Variants in RBFOX3 observed in about 807,000 individuals in gnomAD.
RBFOX3 encodes RNA binding fox-1 homolog 3, also known as RNA binding protein fox-1 homolog 3.
RBFOX3 carries 17 observed loss-of-function variants against 48.7 expected under a neutral mutation model. That is an observed-to-expected ratio of 0.35 (90% CI 0.24 to 0.52). RBFOX3 has a LOEUF of 0.52. Ranked by LOEUF, RBFOX3 falls within the 20% of genes least tolerant of loss-of-function variation. RBFOX3 has a pLI of 0.94. For synonymous variants in RBFOX3, 212 were observed against 209.5 expected, an observed-to-expected ratio of 1.01 and a Z score of -0.10; for missense variants, 382 against 497.5, an observed-to-expected ratio of 0.77 and a Z score of 2.21.
chr17:79,143,819 C>T (rs1014126986), intron 4 of RBFOX3, among the ~76,000 whole-genome samples: 2 of 152,192 alleles, frequency 1.3e-5, no homozygotes, highest in African/African-American at 4.8e-5. Flanking sequence ...ATGAAGACCC[C>T]CTCCATTTTC....
At chr17:79,558,765 G>A (rs1236339298) in intron 1 of RBFOX3, among the ~76,000 whole-genome samples, 3 of 152,174 alleles carry the variant, frequency 2.0e-5, no homozygotes, top group South Asian at 2.1e-4. Flanking sequence ...GTGGGCCTGC[G>A]GGGAGCAGGA....
intron 2 of RBFOX3, among the ~76,000 whole-genome samples, chr17:79,385,249 C>A (rs1483699422): frequency 6.6e-6 from 1 of 152,154 alleles, no homozygotes; most frequent in African/African-American, 2.4e-5. Context: ...CAGAAAGAAG[C>A]CCTTGGCAGC....
At chr17:79,640,193 A>T in the RBFOX3 span, among the ~76,000 whole-genome samples, 2 of 152,212 alleles carry the variant, frequency 1.3e-5, no homozygotes, top group African/African-American at 4.8e-5. Flanking sequence ...AAAGGAAATT[A>T]AGAAAGTAAT....
chr17:79,152,990 C>T (rs1227710747), intron 4 of RBFOX3, among the ~76,000 whole-genome samples: 2 of 152,180 alleles, frequency 1.3e-5, no homozygotes, highest in African/African-American at 2.4e-5. Context: ...CGGGTGGGCC[C>T]GCTGTCCAGA....
chr17:79,378,616 G>A (rs941331573), intron 2 of RBFOX3, among the ~76,000 whole-genome samples: 1 of 152,138 alleles, frequency 6.6e-6, no homozygotes, highest in African/African-American at 2.4e-5. Context: ...TGCTGGGGCT[G>A]TGTGGGGGGC....
At chr17:79,612,663 G>A (rs1448612640), upstream of RBFOX3, among the ~76,000 whole-genome samples, 1 of 152,222 alleles carries the variant, frequency 6.6e-6, no homozygotes, top group Admixed American at 6.5e-5. Flanking sequence ...GATAAATGCC[G>A]TGTCTACGAG....
chr17:79,524,854 G>T (rs2086595916), intron 1 of RBFOX3, among the ~76,000 whole-genome samples: 1 of 152,208 alleles, frequency 6.6e-6, no homozygotes, highest in Admixed American at 6.5e-5. Flanking sequence ...TGTAAAGGGA[G>T]CCCCAGTTTG....
At chr17:79,290,960 C>T (rs572673485) in intron 3 of RBFOX3, among the ~76,000 whole-genome samples, 79 of 152,316 alleles carry the variant, frequency 5.2e-4, no homozygotes, top group African/African-American at 1.9e-3. Flanking sequence ...TCAGCTCAGC[C>T]TGCGTGGCTC....
At chr17:79,463,475 TCCACTGCCATCGCCACTG>T (rs368203151) in intron 2 of RBFOX3, among the ~76,000 whole-genome samples, 4,826 of 64,338 alleles carry the variant, frequency 0.075, 429 homozygotes, top group Admixed American at 0.094. Context: ...CACTGCCACC[TCCACTGCCATCGCCACTG>T]CCACTGCCAT....
the RBFOX3 span, among the ~76,000 whole-genome samples, chr17:79,622,100 C>G: frequency 4.6e-5 from 7 of 151,874 alleles, no homozygotes; most frequent in African/African-American, 1.7e-4. Context: ...CATTCTCCTC[C>G]TGGAGACTCT....
chr17:79,576,122 C>A (rs1325005428), intron 1 of RBFOX3, among the ~76,000 whole-genome samples: 1 of 152,208 alleles, frequency 6.6e-6, no homozygotes, highest in Admixed American at 6.5e-5. Flanking sequence ...TAGGTCCCAA[C>A]CAATCAGCTG....
chr17:79,112,988 G>T (rs1056702363), intron 5 of RBFOX3, among the ~76,000 whole-genome samples: 1 of 151,092 alleles, frequency 6.6e-6, no homozygotes, highest in Non-Finnish European at 1.5e-5. Context: ...ACGGGCCCTC[G>T]AGTGCCCCGG....
Position 79,097,424 on chromosome 17 carries a change from A to G in RBFOX3, c.623T>C (p.Val208Ala). The G allele has an allele frequency of 1.3e-6, 2 of 1,543,926 alleles. No homozygotes were observed. The highest frequency in any genetic ancestry group is 8.7e-7 in the Non-Finnish European group (1 of 1,143,768). The change falls in exon 11 of 15, where the codon GTG becomes GCG. Residue 208 changes from valine to alanine, a missense_variant and splice_region_variant. Physicochemically the swap from Val to Ala is moderately conservative, Grantham distance 64. Transcript: ENST00000693108. Reference sequence around the variant, plus strand: ...GGTGGTGGGGTAGGGGAACCCCGTCACTGCAGGAAACGGGGCCCGAGACAC... The same window carrying G: ...GGTGGTGGGGTAGGGGAACCCCGTCGCTGCAGGAAACGGGGCCCGAGACAC... ...GAVYGPEFYA[V>A]TGFPYPTTGT... is the part of the protein sequence containing the mutation.
At chr17:79,340,677 A>G (rs1215104488) in intron 2 of RBFOX3, among the ~76,000 whole-genome samples, 1 of 152,206 alleles carries the variant, frequency 6.6e-6, no homozygotes, top group Admixed American at 6.5e-5. Flanking sequence ...CTGGAGACGC[A>G]AGCACTTGCA....
At chr17:79,395,191 T>C (rs2061841227) in intron 2 of RBFOX3, among the ~76,000 whole-genome samples, 1 of 152,216 alleles carries the variant, frequency 6.6e-6, no homozygotes, top group Non-Finnish European at 1.5e-5. Flanking sequence ...CTTTGTTTCA[T>C]TTGCAGCCAC....
chr17:79,500,808 A>C (rs1430201868), intron 1 of RBFOX3, among the ~76,000 whole-genome samples: 1 of 152,218 alleles, frequency 6.6e-6, no homozygotes, highest in Non-Finnish European at 1.5e-5. Flanking sequence ...GTGACAGTGA[A>C]GCCCAGGAAG....
chr17:79,238,796 G>A (rs1354995716), intron 3 of RBFOX3, among the ~76,000 whole-genome samples: 1 of 152,214 alleles, frequency 6.6e-6, no homozygotes, highest in Non-Finnish European at 1.5e-5. Context: ...CGGGGTTGCA[G>A]TGGCATCTGG....
intron 1 of RBFOX3, among the ~76,000 whole-genome samples, chr17:79,506,278 T>A (rs1055464746): frequency 6.6e-6 from 1 of 151,988 alleles, no homozygotes; most frequent in Non-Finnish European, 1.5e-5. Context: ...GGGAGGGACT[T>A]GAGGGGGCCA....
At chr17:79,611,097 C>T (rs2093959426), upstream of RBFOX3, among the ~76,000 whole-genome samples, 1 of 134,436 alleles carries the variant, frequency 7.4e-6, no homozygotes, top group African/African-American at 2.5e-5. Flanking sequence ...CCTCCTCTCT[C>T]TCTCTCTCTC....
Sources: allele counts gnomAD v4.1 joint callset (sites outside exome capture counted in the v4.1 genomes callset), GRCh38; gene constraint gnomAD v4.1.1; transcripts MANE v1.5; gene names NCBI Gene and HGNC (gene_info 2026-07-23, HGNC 2026-07-21).